Variants in NGB observed in about 807,000 individuals in gnomAD.
NGB encodes the protein nitrite reductase.
In NGB, 12 loss-of-function variants were observed where a neutral mutation model predicts 17.3. That is an observed-to-expected ratio of 0.69 (90% CI 0.45 to 1.13). The LOEUF is 1.13. NGB is among the 50% of genes most tolerant of loss of function. NGB has a pLI of 0.00. For missense variants in NGB, 195 were observed against 191.7 expected, an observed-to-expected ratio of 1.02 and a Z score of -0.10; for synonymous variants, 87 against 81.0, an observed-to-expected ratio of 1.07 and a Z score of -0.40.
chr14:77,268,236 T>C (rs982260538), intron 3 of NGB, among the ~76,000 whole-genome samples: 2 of 152,062 alleles, frequency 1.3e-5, no homozygotes, highest in Non-Finnish European at 2.9e-5. Context: ...TCCCAAAAGC[T>C]TGTTAATTTT....
intron 3 of NGB, 136 bp from the exon 4 acceptor site, chr14:77,266,806 C>A: frequency 1.1e-6 from 1 of 941,696 alleles, no homozygotes; most frequent in Non-Finnish European, 1.6e-6. Context: ...GTCCATGCTT[C>A]CTGAGCAGGG....
intron 2 of NGB, 108 bp downstream of exon 2, chr14:77,269,107 G>C: frequency 2.8e-6 from 2 of 708,268 alleles, no homozygotes; most frequent in Non-Finnish European, 4.9e-6. Context: ...TGGGGGAACT[G>C]GAAGGGAGTA....
At chr14:77,268,378 A>C in intron 3 of NGB, 88 bp downstream of exon 3, 4 of 1,408,240 alleles carry the variant, frequency 2.8e-6, no homozygotes, top group Middle Eastern at 2.0e-4. Flanking sequence ...TGGGAATGGG[A>C]GAGAGAACAG....
chr14:77,268,614 G>A (rs771898680), intron 2 of NGB, 29 bp from the exon 3 acceptor site: 1 of 1,613,534 alleles, frequency 6.2e-7, no homozygotes. Context: ...CAGTGAAACA[G>A]AGAGGCCAGA....
At chr14:77,269,788 TCCCTCTCCCCCCC>T (rs1889738886) in intron 1 of NGB, among the ~76,000 whole-genome samples, 2 of 48,632 alleles carry the variant, frequency 4.1e-5, no homozygotes, top group African/African-American at 1.8e-4. Flanking sequence ...TCTCTCCCTC[TCCCTCTCCCCCCC>T]CCCCCCCCCC....
At chr14:77,270,228 T>G (rs1156291597) in intron 1 of NGB, among the ~76,000 whole-genome samples, 2 of 152,012 alleles carry the variant, frequency 1.3e-5, no homozygotes, top group Non-Finnish European at 2.9e-5. Context: ...GAGCTGAGGT[T>G]GGAGACTGGC....
Position 77,268,570 on chromosome 14 carries a change from C to T in NGB, c.217G>A (p.Asp73Asn). 1 of 1,614,010 alleles carries T rather than the reference C, an allele frequency of 6.2e-7. No individual in the cohort carries two copies. The highest frequency in any genetic ancestry group is 8.5e-7 in the Non-Finnish European group (1 of 1,179,976). ...DHIRKVMLVI[D>N]AAVTNVEDLS... ...TCTTCCACATTGGTCACTGCAGCAT[C>T]AATCACGAGCATCACCTGCCAAGGC... is the stretch of plus-strand genomic sequence containing the variant. The change falls in exon 3 of 4, where the codon GAT becomes AAT. Residue 73 changes from aspartate to asparagine, a missense_variant. Transcript: ENST00000298352.
chr14:77,269,669 T>TAG (rs1491423191), intron 1 of NGB, among the ~76,000 whole-genome samples: 6 of 562 alleles, frequency 0.011, no homozygotes, highest in African/African-American at 0.037. Context: ...GAAAGCCCTT[T>TAG]CTCTCTCTCT....
At position 77,266,299 on chromosome 14, in the gene NGB, G is replaced by T. The variant is rs116897063; in HGVS notation, c.*237C>A. The T allele has an allele frequency of 1.3e-6, 1 of 757,806 alleles. No individual in the cohort carries two copies. The highest frequency in any genetic ancestry group is 2.6e-5 in the East Asian group (1 of 39,034). The allele number at this position is 757,806 out of a possible 1,614,324, so 46.9% of individuals were successfully genotyped here. The stretch of plus-strand genomic sequence containing the variant: ...AGTGCCAAAAAAGGTAAAAAGAAAC[G>T]CAAGAAAGAGGCTACTGGGGATGAG... On this transcript the variant is annotated 3_prime_UTR_variant, in exon 4 of 4. Coordinates refer to ENST00000298352, the MANE Select transcript of NGB (RefSeq NM_021257.4).
At chr14:77,268,031 T>C (rs1028404424) in intron 3 of NGB, among the ~76,000 whole-genome samples, 1 of 152,142 alleles carries the variant, frequency 6.6e-6, no homozygotes, top group African/African-American at 2.4e-5. Flanking sequence ...GGGACAGAGC[T>C]CAAAGGCTGA....
chr14:77,266,463 G>A lies in NGB; in HGVS notation c.*73C>T, dbSNP rs200664951. On this transcript the variant is annotated 3_prime_UTR_variant, in exon 4 of 4. Coordinates refer to ENST00000298352, the MANE Select transcript of NGB (RefSeq NM_021257.4). The stretch of plus-strand genomic sequence containing the variant: ...GGACCAAGATGCAGGGAAGCTTGGG[G>A]AGCCTGGGCTACAACAGATACAGGC... 2 of 1,567,506 alleles carry A rather than the reference G, an allele frequency of 1.3e-6. No individual in the cohort carries two copies. The highest frequency in any genetic ancestry group is 1.4e-5 in the African/African-American group (1 of 73,756).
rs1014593849 is a variant in NGB, at chr14:77,268,413, A to G, written c.321+53T>C. The G allele has an allele frequency of 2.6e-5, 42 of 1,587,828 alleles. No individual in the cohort carries two copies. In the Middle Eastern group the frequency reaches 8.6e-4, roughly 32 times the overall value. On this transcript the variant is annotated intron_variant, in intron 3 of 3. Transcript: ENST00000298352. ...GGTGGCAAGGGGAGGTCTGGGAGAGAGAAGTGGCCCCAGGCCAGGAGCTCT... is the reference window on the plus strand; with the variant it reads ...GGTGGCAAGGGGAGGTCTGGGAGAGGGAAGTGGCCCCAGGCCAGGAGCTCT...
At position 77,266,484 on chromosome 14, in the gene NGB, C is replaced by G. The variant is rs956724350; in HGVS notation, c.*52G>C. ...TGGGGAGCCTGGGCTACAACAGATA[C>G]AGGCCAACAGACAGACACAGATGGA... On this transcript the variant is annotated 3_prime_UTR_variant, in exon 4 of 4. Coordinates refer to ENST00000298352, the MANE Select transcript of NGB (RefSeq NM_021257.4). 3.2e-6 allele frequency: 5 copies of G among 1,587,160 alleles called. No homozygotes were observed. The highest frequency in any genetic ancestry group is 1.3e-5 in the African/African-American group (1 of 74,356).
rs748840534 is a variant in NGB at position 77,268,576 on chromosome 14, C to G, written c.211G>C (p.Val71Leu). ...FLDHIRKVML[V>L]IDAAVTNVED... Reference sequence around the variant, plus strand: ...ACATTGGTCACTGCAGCATCAATCACGAGCATCACCTGCCAAGGCCAAGGC... The same window carrying G: ...ACATTGGTCACTGCAGCATCAATCAGGAGCATCACCTGCCAAGGCCAAGGC... The change falls in exon 3 of 4, where the codon GTG becomes CTG. Residue 71 changes from valine to leucine, a missense_variant. Val to Leu is a conservative substitution (Grantham distance 32, BLOSUM62 1). Coordinates refer to ENST00000298352, the MANE Select transcript of NGB (RefSeq NM_021257.4). 6.2e-6 allele frequency: 10 copies of G among 1,613,850 alleles called. No individual in the cohort carries two copies. The highest frequency in any genetic ancestry group is 1.7e-5 in the Admixed American group (1 of 60,004).
At chr14:77,269,525 C>A (rs1889722655) in intron 1 of NGB, among the ~76,000 whole-genome samples, 199 bp from the exon 2 acceptor site, 1 of 152,076 alleles carries the variant, frequency 6.6e-6, no homozygotes, top group Admixed American at 6.5e-5. Context: ...TGGCTCTGGG[C>A]AGCATCCTAG....
chr14:77,270,771 G>A, intron 1 of NGB, 78 bp downstream of exon 1: 1 of 1,292,482 alleles, frequency 7.7e-7, no homozygotes, highest in Middle Eastern at 1.9e-4. Flanking sequence ...CCCTCCTTCG[G>A]GGCCGGTCCT....
intron 1 of NGB, 28 bp downstream of exon 1, chr14:77,270,821 C>T: frequency 6.5e-7 from 1 of 1,537,048 alleles, no homozygotes; most frequent in Admixed American, 1.8e-5. Context: ...CCTCCACCCG[C>T]ATCCCCGGGC....
intron 1 of NGB, among the ~76,000 whole-genome samples, chr14:77,270,590 G>A (rs1889759615): frequency 6.6e-6 from 1 of 152,198 alleles, no homozygotes; most frequent in Non-Finnish European, 1.5e-5. Flanking sequence ...CCGCGGGAGG[G>A]GATCCCGCCC....
chr14:77,266,765 C>T lies in NGB; in HGVS notation c.322-95G>A, dbSNP rs113002784. The T allele has an allele frequency of 3.5e-6, 5 of 1,414,660 alleles. No homozygotes were observed. The African/African-American group carries it at 4.4e-5, about 12-fold the overall frequency. 87.6% of individuals were successfully genotyped at this position (1,414,660 alleles called of 1,614,324 possible). On this transcript the variant is annotated intron_variant, in intron 3 of 3. Transcript: ENST00000298352. Reference sequence around the variant, plus strand: ...AACTGAGGCCTAGGACTGATTAGGGCTCCTGGGCCTTTTTTCCTCTCCTGC... The same window carrying T: ...AACTGAGGCCTAGGACTGATTAGGGTTCCTGGGCCTTTTTTCCTCTCCTGC...
Sources: allele counts gnomAD v4.1 joint callset (sites outside exome capture counted in the v4.1 genomes callset), GRCh38; gene constraint gnomAD v4.1.1; transcripts MANE v1.5; gene names NCBI Gene and HGNC (gene_info 2026-07-23, HGNC 2026-07-21).